The following FANCB variants were observed in gnomAD, a reference collection of about 807,000 sequenced individuals.
FANCB encodes FA complementation group B, also known as Fanconi anemia group B protein.
FANCB carries 5 observed loss-of-function variants against 38.9 expected under a neutral mutation model. The ratio of observed to expected loss-of-function variants is 0.13; its 90% confidence interval spans 0.07 to 0.27. The LOEUF is 0.27. Ranked by LOEUF, FANCB falls within the 10% of genes least tolerant of loss-of-function variation. FANCB has a pLI of 1.00. For missense variants in FANCB, 573 were observed against 602.7 expected (o/e 0.95, Z 0.52); for synonymous variants, 236 against 215.4 (o/e 1.10, Z -0.84).
At chrX:14,765,285 T>C in the FANCB span, among the ~76,000 whole-genome samples, 10 of 111,717 alleles carry the variant, frequency 9.0e-5, no homozygotes, top group Admixed American at 9.5e-4. Context: ...CAGCCTCCTA[T>C]GGAAGCTGCT....
At chrX:14,870,189 G>C (rs1038137028) in intron 1 of FANCB, among the ~76,000 whole-genome samples, 1 of 111,256 alleles carries the variant, frequency 9.0e-6, no homozygotes, top group African/African-American at 3.3e-5. Flanking sequence ...AAGTTCTTGG[G>C]ATATGTTCAT....
At chrX:14,813,557 T>C in the FANCB span, among the ~76,000 whole-genome samples, 1 of 111,072 alleles carries the variant, frequency 9.0e-6, no homozygotes, top group Admixed American at 9.6e-5. Flanking sequence ...AAATCATGAG[T>C]GAACTCCCCC....
downstream of FANCB, among the ~76,000 whole-genome samples, chrX:14,834,149 AT>A (rs776747444): frequency 1.9e-3 from 208 of 109,202 alleles, no homozygotes; most frequent in Non-Finnish European, 2.8e-3. Context: ...CCCTTGGGTG[AT>A]TTTTTTTTTA....
At chrX:14,693,054 A>G in the FANCB span, among the ~76,000 whole-genome samples, 114 of 108,288 alleles carry the variant, frequency 1.1e-3, no homozygotes, top group Middle Eastern at 4.7e-3. Flanking sequence ...ACAAAAAAAA[A>G]AAAGAAAGAG....
the FANCB span, among the ~76,000 whole-genome samples, chrX:14,826,826 A>G: frequency 8.9e-6 from 1 of 111,999 alleles, no homozygotes; most frequent in South Asian, 3.6e-4. Flanking sequence ...CTTTTGTGAC[A>G]TAGATTGATG....
chrX:14,746,878 G>A, the FANCB span, among the ~76,000 whole-genome samples: 1 of 111,773 alleles, frequency 8.9e-6, no homozygotes, highest in Non-Finnish European at 1.9e-5. Flanking sequence ...TCTGTAATGG[G>A]AACAAGGATA....
intron 9 of FANCB, 108 bp from the exon 10 acceptor site, chrX:14,844,089 G>T: frequency 1.6e-6 from 1 of 635,621 alleles, no homozygotes; most frequent in Non-Finnish European, 2.4e-6. Context: ...ACACCATAAT[G>T]ATAAACAGAA....
At chrX:14,699,013 T>C in the FANCB span, among the ~76,000 whole-genome samples, 1 of 111,895 alleles carries the variant, frequency 8.9e-6, no homozygotes, top group African/African-American at 3.3e-5. Flanking sequence ...GATTATCTTT[T>C]CTAGGTTTTG....
chrX:14,753,373 C>T, the FANCB span, among the ~76,000 whole-genome samples: 9 of 112,115 alleles, frequency 8.0e-5, no homozygotes, highest in Non-Finnish European at 9.4e-5. Context: ...AAATGCAAGC[C>T]ATTATTTTTA....
intron 7 of FANCB, among the ~76,000 whole-genome samples, chrX:14,849,521 C>T (rs1013016590): frequency 8.9e-6 from 1 of 111,949 alleles, no homozygotes; most frequent in African/African-American, 3.2e-5. Context: ...CTGTATTTAG[C>T]CTGTTTTGGC....
At chrX:14,733,447 G>A in the FANCB span, among the ~76,000 whole-genome samples, 19 of 111,707 alleles carry the variant, frequency 1.7e-4, no homozygotes, top group Admixed American at 3.8e-4. Flanking sequence ...TTGAATCTAT[G>A]AATTACTTTG....
chrX:14,728,155 G>A, the FANCB span, among the ~76,000 whole-genome samples: 1 of 111,182 alleles, frequency 9.0e-6, no homozygotes, highest in Non-Finnish European at 1.9e-5. Context: ...CAACTAGGCC[G>A]AGGCAGGAAA....
At chrX:14,818,281 C>T in the FANCB span, among the ~76,000 whole-genome samples, 4 of 106,811 alleles carry the variant, frequency 3.7e-5, no homozygotes, top group East Asian at 2.9e-4. Flanking sequence ...CATGACTGCT[C>T]GTCAAAGAAG....
At chrX:14,865,909 C>G (rs2092467762) in intron 2 of FANCB, among the ~76,000 whole-genome samples, 1 of 111,967 alleles carries the variant, frequency 8.9e-6, no homozygotes, top group African/African-American at 3.2e-5. Flanking sequence ...AAGGGTTATA[C>G]TTCTCTGTTT....
chrX:14,812,818 G>A, the FANCB span, among the ~76,000 whole-genome samples: 2 of 111,266 alleles, frequency 1.8e-5, no homozygotes, highest in African/African-American at 3.3e-5. Flanking sequence ...CATTTTATGA[G>A]GCCAGCATCA....
intron 7 of FANCB, among the ~76,000 whole-genome samples, chrX:14,848,379 C>T (rs939047932): frequency 9.0e-6 from 1 of 111,210 alleles, no homozygotes; most frequent in South Asian, 3.8e-4. Context: ...GAATGGAATG[C>T]GACCCTTGTA....
In FANCB at chrX:14,845,012, T is replaced by C. The variant is rs1343966910; in HGVS notation, c.1771A>G (p.Ser591Gly). Residue 591 changes from serine to glycine, a missense_variant, in exon 8 of 10, where the codon AGT becomes GGT. Physicochemically the swap from Ser to Gly is moderately conservative, Grantham distance 56. Coordinates refer to ENST00000650831, the MANE Select transcript of FANCB (RefSeq NM_001018113.3). ...AGCAGTACAGTGCAACAAAATTTAC[T>C]GAATGTTAAAAGTGGTGAAAGAGAT... The part of the protein sequence containing the change: ...VTSLSPLLTF[S>G]KFCCTVLLQI... 3 of 1,210,370 alleles carry C rather than the reference T, an allele frequency of 2.5e-6. No homozygotes were observed. Among genetic ancestry groups the C allele is most frequent in the Non-Finnish European group, 3.4e-6 (3 of 894,197 alleles).
chrX:14,725,797 T>A, the FANCB span, among the ~76,000 whole-genome samples: 1 of 111,967 alleles, frequency 8.9e-6, no homozygotes, highest in Non-Finnish European at 1.9e-5. Context: ...ATACATAAAA[T>A]TAGATAATAA....
chrX:14,868,368 C>T (rs73441306), intron 2 of FANCB, among the ~76,000 whole-genome samples: 157 of 111,689 alleles, frequency 1.4e-3, no homozygotes, highest in African/African-American at 4.2e-3. Context: ...TGGTGCATAG[C>T]GTGGAATACT....
Sources: allele counts gnomAD v4.1 joint callset (sites outside exome capture counted in the v4.1 genomes callset), GRCh38; gene constraint gnomAD v4.1.1; transcripts MANE v1.5; gene names NCBI Gene and HGNC (gene_info 2026-07-23, HGNC 2026-07-21).